The following SSH1 variants were observed in gnomAD, a reference collection of about 807,000 sequenced individuals.
SSH1 encodes protein phosphatase Slingshot homolog 1.
In SSH1, 43 loss-of-function variants were observed where a neutral mutation model predicts 79.7. The ratio of observed to expected loss-of-function variants is 0.54; its 90% CI spans 0.42 to 0.70. SSH1 has a LOEUF of 0.70. SSH1 is among the 30% of genes least tolerant of loss of function. The pLI is 0.00. For synonymous variants in SSH1, 599 were observed against 538.3 expected, an observed-to-expected ratio of 1.11 and a Z score of -1.56; for missense variants, 1,206 against 1,358.8, an observed-to-expected ratio of 0.89 and a Z score of 1.77.
At position 108,857,143 on chromosome 12, in the gene SSH1, CAG is replaced by C. The variant is rs1287575341; in HGVS notation, c.69+283_69+284del. 1.3e-5 allele frequency among the ~76,000 whole-genome samples: 2 copies of C among 152,238 alleles called. No homozygotes were observed. The highest frequency in any genetic ancestry group is 4.8e-5 in the African/African-American group (2 of 41,468). On this transcript the variant is annotated intron_variant, in intron 1 of 14. Transcript: ENST00000326495. The surrounding 1 kb of genome is among the most constrained non-coding windows in gnomAD (Gnocchi z 4.7). ...GTCACAGCGCACACACAGTATCCTG[CAG>C]ACACTCCCAGAGGGGTCGCACTGCA...
chr12:108,807,418 A>AT lies in SSH1; in HGVS notation c.731+214dup, dbSNP rs35206418. On this transcript the variant is annotated intron_variant, in intron 8 of 14. Coordinates refer to ENST00000326495, the MANE Select transcript of SSH1 (RefSeq NM_018984.4). This position sits in a 1 kb window ranked among gnomAD's most constrained non-coding sequence, Gnocchi z 5.2. ...AATGCATTCACCAAATTCATCAGTA[A>AT]TTTTTTTTTTTTTTTTCTTTTTTTT... is the stretch of plus-strand genomic sequence containing the variant. Among the ~76,000 whole-genome samples the AT allele has an allele frequency of 1.3e-3, 192 of 143,494 alleles. No homozygotes were observed. Among genetic ancestry groups the AT allele is most frequent in the African/African-American group, 4.8e-3 (184 of 38,688 alleles). The allele number at this position is 143,494 out of a possible 152,430, so 94.1% of individuals were successfully genotyped here. A position where few individuals can be genotyped will look rare whatever the true frequency, so the allele number is the denominator to read the frequency against.
chr12:108,821,471 G>A lies in SSH1; in HGVS notation c.214+1787C>T, dbSNP rs114051956. 8.9e-3 allele frequency among the ~76,000 whole-genome samples: 1,344 copies of A among 151,334 alleles called. 23 individuals are homozygous for A. Among genetic ancestry groups the A allele is most frequent in the African/African-American group, 0.031 (1,295 of 41,226 alleles). The stretch of plus-strand genomic sequence containing the variant: ...TAGCTGTATTGTACTAGAAGTCATC[G>A]TAATAACAATGATAGTTACCCATAT... On this transcript the variant is annotated intron_variant, in intron 3 of 14. Transcript: ENST00000326495.
intron 2 of SSH1, among the ~76,000 whole-genome samples, chr12:108,830,713 C>T (rs979199916): frequency 6.6e-6 from 1 of 152,146 alleles, no homozygotes; most frequent in African/African-American, 2.4e-5. Context: ...TCTTCTACTA[C>T]ACACTTTCAG....
intron 3 of SSH1, among the ~76,000 whole-genome samples, chr12:108,822,578 C>G (rs1353726208): frequency 1.3e-5 from 2 of 152,198 alleles, no homozygotes; most frequent in Non-Finnish European, 2.9e-5. Flanking sequence ...TCCCAAAGCA[C>G]TGGGATTACA....
chr12:108,857,560 CCCGGG>C lies in SSH1; in HGVS notation c.-69_-65del. The C allele has an allele frequency of 1.0e-6, 1 of 980,268 alleles. No individual in the cohort carries two copies. 60.7% of individuals were successfully genotyped at this position (980,268 alleles called of 1,614,324 possible). ...GCTAGAGCCGCCACCGCCACCGCCGCCCGGGCCGGGCCCGGGGCCTCCTGGAGCCG... is the reference window on the plus strand; with the variant it reads ...GCTAGAGCCGCCACCGCCACCGCCGCCCGGGCCCGGGGCCTCCTGGAGCCG... On this transcript the variant is annotated 5_prime_UTR_variant, in exon 1 of 15. Transcript: ENST00000326495. This position sits in a 1 kb window ranked among gnomAD's most constrained non-coding sequence, Gnocchi z 4.7.
At chr12:108,827,308 T>C in intron 2 of SSH1, 2 of 1,551,052 alleles carry the variant, frequency 1.3e-6, no homozygotes, top group South Asian at 1.2e-5. Context: ...GTGGGTTGGC[T>C]GAAGGAAGAT....
chr12:108,788,134 C>G lies in SSH1; in HGVS notation c.3004G>C (p.Ala1002Pro), dbSNP rs772060419. 6.2e-6 allele frequency: 10 copies of G among 1,613,936 alleles called. No homozygotes were observed. Among genetic ancestry groups the G allele is most frequent in the Non-Finnish European group, 8.5e-6 (10 of 1,180,010 alleles). The change falls in exon 15 of 15, where the codon GCT becomes CCT. Residue 1002 changes from alanine to proline, a missense_variant. Physicochemically the swap from Ala to Pro is conservative, Grantham distance 27. Transcript: ENST00000326495. ...CTCAAAGTGGTGTCCTGGGAGTCAG[C>G]GACGGTGGACGGGTCAGCCTCACTG... ...LSSEADPSTVADSQDTTLSES... is the reference protein window; with the variant it reads ...LSSEADPSTVPDSQDTTLSES...
In SSH1 at chr12:108,780,927, A is replaced by C. The variant is rs185356725; in HGVS notation, c.*7061T>G. ...GTGGCACATGCCTGTATTCCCAGCT[A>C]CTCGGGAGGCTGAGGCAGGAAAATC... is the stretch of plus-strand genomic sequence containing the variant. On this transcript the variant is annotated 3_prime_UTR_variant, in exon 15 of 15. Transcript: ENST00000326495. The C allele has an allele frequency of 6.6e-6, 1 of 152,220 alleles. No individual in the cohort carries two copies. Among genetic ancestry groups the C allele is most frequent in the Non-Finnish European group, 1.5e-5 (1 of 68,054 alleles). The allele number at this position is 152,220 out of a possible 1,614,324, so 9.4% of individuals were successfully genotyped here.
rs1405590021 is a variant in SSH1, at chr12:108,857,019, GCACA to G, written c.69+405_69+408del. The stretch of plus-strand genomic sequence containing the variant: ...CCCACACAATCACGAGGTCACATCT[GCACA>G]CACAGTCTCTGCACAGTCACCCTTA... On this transcript the variant is annotated intron_variant, in intron 1 of 14. Coordinates refer to ENST00000326495, the MANE Select transcript of SSH1 (RefSeq NM_018984.4). This position sits in a 1 kb window ranked among gnomAD's most constrained non-coding sequence, Gnocchi z 4.7. Among the ~76,000 whole-genome samples, 1 of 152,202 alleles carries G rather than the reference GCACA, an allele frequency of 6.6e-6. No individual in the cohort carries two copies. Among genetic ancestry groups the G allele is most frequent in the Non-Finnish European group, 1.5e-5 (1 of 68,036 alleles).
intron 5 of SSH1, among the ~76,000 whole-genome samples, chr12:108,813,968 A>C (rs1182551879): frequency 1.3e-5 from 2 of 152,166 alleles, no homozygotes; most frequent in African/African-American, 4.8e-5. Flanking sequence ...TCACGCCTGT[A>C]ATCCCAGCAC....
intron 7 of SSH1, 103 bp downstream of exon 7, chr12:108,809,590 T>C (rs1050862547): frequency 1.0e-6 from 1 of 965,210 alleles, no homozygotes; most frequent in South Asian, 1.3e-5. Context: ...TCCCTCAACA[T>C]GCACATACGT....
At chr12:108,820,497 ATAAATGCCTAAATG>A (rs2038076312) in intron 3 of SSH1, among the ~76,000 whole-genome samples, 2 of 152,198 alleles carry the variant, frequency 1.3e-5, no homozygotes, top group African/African-American at 4.8e-5. Flanking sequence ...CCCCTGTCTG[ATAAATGCCTAAATG>A]AAAGGGACAT....
chr12:108,811,456 A>C, intron 5 of SSH1, 128 bp from the exon 6 acceptor site: 1 of 797,184 alleles, frequency 1.3e-6, no homozygotes. Flanking sequence ...TCTGCATAGG[A>C]ACCGTTCACT....
intron 2 of SSH1, among the ~76,000 whole-genome samples, chr12:108,841,519 T>A (rs1299832181): frequency 6.6e-6 from 1 of 152,108 alleles, no homozygotes; most frequent in Non-Finnish European, 1.5e-5. Flanking sequence ...TTAAAAAAAA[T>A]ATATAGGGCC....
chr12:108,793,389 T>G (rs2036600519), intron 13 of SSH1, among the ~76,000 whole-genome samples: 1 of 150,150 alleles, frequency 6.7e-6, no homozygotes, highest in South Asian at 2.2e-4. Flanking sequence ...GACATTGTTT[T>G]TATAATCCCT....
intron 11 of SSH1, among the ~76,000 whole-genome samples, chr12:108,801,287 TA>T (rs1217195610): frequency 6.6e-6 from 1 of 152,226 alleles, no homozygotes; most frequent in East Asian, 1.9e-4. Flanking sequence ...TCTTCACTCT[TA>T]AAGAGCTAAA....
In SSH1 at chr12:108,857,319, C is replaced by T; in HGVS notation, c.69+109G>A. On this transcript the variant is annotated intron_variant, in intron 1 of 14. Transcript: ENST00000326495. The surrounding 1 kb of genome is among the most constrained non-coding windows in gnomAD (Gnocchi z 4.7). The stretch of plus-strand genomic sequence containing the variant: ...CGGCTCTGTTCCTACGGCGGGGCCC[C>T]GAGGAGCCCGCGCAGCCGCCCCCCT... 1.7e-6 allele frequency: 1 copy of T among 599,678 alleles called. No homozygotes were observed. Among genetic ancestry groups the T allele is most frequent in the Non-Finnish European group, 2.1e-6 (1 of 477,728 alleles). 37.1% of individuals were successfully genotyped at this position (599,678 alleles called of 1,614,324 possible). A position where few individuals can be genotyped will look rare whatever the true frequency, so the allele number is the denominator to read the frequency against.
At chr12:108,829,935 C>A (rs148976797) in intron 2 of SSH1, among the ~76,000 whole-genome samples, 252 of 152,094 alleles carry the variant, frequency 1.7e-3, no homozygotes, top group African/African-American at 3.7e-3. Context: ...GATCCCATCT[C>A]TACAAAAAAA....
chr12:108,833,861 A>C (rs907476264), intron 2 of SSH1: 2 of 152,286 alleles, frequency 1.3e-5, no homozygotes, highest in South Asian at 2.1e-4. Flanking sequence ...ATAGGACAGC[A>C]GAGCTCCGGA....
Sources: allele counts gnomAD v4.1 joint callset (sites outside exome capture counted in the v4.1 genomes callset), GRCh38; gene constraint gnomAD v4.1.1; non-coding constraint Gnocchi (gnomAD v3.1); transcripts MANE v1.5; gene names NCBI Gene and HGNC (gene_info 2026-07-23, HGNC 2026-07-21).